The following GRM7 variants were observed in gnomAD, a reference collection of about 807,000 sequenced individuals.
GRM7 encodes glutamate metabotropic receptor 7, also known as metabotropic glutamate receptor 7.
A neutral mutation model predicts 84.5 loss-of-function variants in GRM7; 35 were observed. That is an observed-to-expected ratio of 0.41 (90% CI 0.32 to 0.55). The LOEUF (loss-of-function observed/expected upper bound fraction) is 0.55, where lower values mean the gene tolerates loss of function less well. Among genes scored for constraint, GRM7 ranks in the 20% least tolerant of loss-of-function variants. The pLI is 0.19. For synonymous variants in GRM7, 487 were observed against 455.1 expected, an observed-to-expected ratio of 1.07 and a Z score of -0.89; for missense variants, 1,003 against 1,194.6, an observed-to-expected ratio of 0.84 and a Z score of 2.36.
chr3:7,397,408 G>A (rs1575274727), intron 4 of GRM7, among the ~76,000 whole-genome samples: 3 of 152,126 alleles, frequency 2.0e-5, no homozygotes, highest in Admixed American at 6.6e-5. Context: ...GGTGAAAAGG[G>A]TAGCGGGGAG....
chr3:7,683,572 G>T (rs1003063851), intron 9 of GRM7, among the ~76,000 whole-genome samples: 1 of 152,028 alleles, frequency 6.6e-6, no homozygotes, highest in Non-Finnish European at 1.5e-5. Flanking sequence ...ACTCTCAAAA[G>T]TCCCAAAAAA....
chr3:7,600,965 C>T (rs1696282473), intron 8 of GRM7, among the ~76,000 whole-genome samples: 1 of 151,710 alleles, frequency 6.6e-6, no homozygotes, highest in African/African-American at 2.4e-5. Context: ...TCCTCATTGC[C>T]ACTCTCTGTG....
intron 4 of GRM7, among the ~76,000 whole-genome samples, chr3:7,327,816 A>T (rs1448379319): frequency 6.6e-6 from 1 of 152,248 alleles, no homozygotes; most frequent in African/African-American, 2.4e-5. Context: ...GTATAATCAA[A>T]GCTGACCTTA....
intron 1 of GRM7, among the ~76,000 whole-genome samples, chr3:7,062,831 A>C (rs533317417): frequency 6.6e-6 from 1 of 151,784 alleles, no homozygotes; most frequent in Non-Finnish European, 1.5e-5. Flanking sequence ...TGAATTTTAC[A>C]AAGTATTTAT....
intron 4 of GRM7, among the ~76,000 whole-genome samples, chr3:7,384,124 G>C (rs533839681): frequency 2.6e-5 from 4 of 152,160 alleles, no homozygotes; most frequent in Non-Finnish European, 5.9e-5. Flanking sequence ...CACCTCCCGG[G>C]TTCAAGCGAT....
intron 4 of GRM7, among the ~76,000 whole-genome samples, chr3:7,386,419 C>A: frequency 6.6e-6 from 1 of 152,154 alleles, no homozygotes; most frequent in Admixed American, 6.5e-5. Flanking sequence ...ACCCTTGTCC[C>A]ATTTCCATCC....
At chr3:6,896,564 G>A (rs528930966) in intron 1 of GRM7, among the ~76,000 whole-genome samples, 1 of 152,260 alleles carries the variant, frequency 6.6e-6, no homozygotes, top group East Asian at 1.9e-4. Context: ...TGCATCATCA[G>A]TGTGGCCTGA....
intron 8 of GRM7, among the ~76,000 whole-genome samples, chr3:7,651,483 G>C (rs556487171): frequency 6.6e-6 from 1 of 152,214 alleles, no homozygotes; most frequent in Admixed American, 6.5e-5. Flanking sequence ...TCTAGAACTC[G>C]GGCAAACTGG....
intron 4 of GRM7, among the ~76,000 whole-genome samples, chr3:7,335,332 T>C (rs1409761622): frequency 6.6e-6 from 1 of 152,010 alleles, no homozygotes; most frequent in Non-Finnish European, 1.5e-5. Flanking sequence ...ACAAAGAAAT[T>C]TTGATGGAAA....
At chr3:7,027,039 G>T (rs2124921319) in intron 1 of GRM7, among the ~76,000 whole-genome samples, 1 of 152,326 alleles carries the variant, frequency 6.6e-6, no homozygotes, top group African/African-American at 2.4e-5. Context: ...TGTTCTGCCT[G>T]TGTAGCTCAC....
chr3:7,377,227 T>C (rs532612182), intron 4 of GRM7, among the ~76,000 whole-genome samples: 2 of 151,534 alleles, frequency 1.3e-5, no homozygotes, highest in South Asian at 2.1e-4. Flanking sequence ...ATATTTTTTT[T>C]CCACCATAAA....
intron 1 of GRM7, among the ~76,000 whole-genome samples, chr3:7,094,466 G>T (rs1307507309): frequency 2.0e-5 from 3 of 152,168 alleles, no homozygotes; most frequent in Admixed American, 6.5e-5. Context: ...CACCCAGAAA[G>T]CTAAGAATAA....
At chr3:7,664,820 T>G (rs1699615329) in intron 8 of GRM7, among the ~76,000 whole-genome samples, 1 of 152,190 alleles carries the variant, frequency 6.6e-6, no homozygotes, top group Non-Finnish European at 1.5e-5. Context: ...TTCATTTTCC[T>G]TATGTGGCTT....
chr3:7,646,339 A>C (rs1698635575), intron 8 of GRM7, among the ~76,000 whole-genome samples: 1 of 152,074 alleles, frequency 6.6e-6, no homozygotes, highest in African/African-American at 2.4e-5. Context: ...TTACAGGTGC[A>C]TGCCACCACA....
At chr3:7,569,212 G>A (rs1013197659) in intron 7 of GRM7, among the ~76,000 whole-genome samples, 3 of 152,134 alleles carry the variant, frequency 2.0e-5, no homozygotes, top group Non-Finnish European at 2.9e-5. Flanking sequence ...TCTACACTCT[G>A]TATCTAACTA....
chr3:7,469,641 T>C (rs1294258317), intron 7 of GRM7, among the ~76,000 whole-genome samples: 2 of 152,140 alleles, frequency 1.3e-5, no homozygotes, highest in African/African-American at 2.4e-5. Flanking sequence ...TAGGATTGGG[T>C]CTCTAATCAC....
rs565238716 is a variant in GRM7, at chr3:7,427,535, A to G, written c.1174+12372A>G. Among the ~76,000 whole-genome samples, 6 of 152,270 alleles carry G rather than the reference A, an allele frequency of 3.9e-5. No individual in the cohort carries two copies. The East Asian group carries it at 7.7e-4, about 20-fold the overall frequency. On this transcript the variant is annotated intron_variant, in intron 5 of 9. Transcript: ENST00000357716. ...TGAATACAAATCGAAATAAATAAAA[A>G]TTTTTATATTTTTGGAAGTTTTACA...
intron 9 of GRM7, among the ~76,000 whole-genome samples, chr3:7,712,413 C>CTCT (rs1025120085): frequency 2.0e-5 from 3 of 151,896 alleles, no homozygotes; most frequent in African/African-American, 7.3e-5. Flanking sequence ...ATGACTTTCT[C>CTCT]TCTCTCTTCC....
intron 2 of GRM7, among the ~76,000 whole-genome samples, chr3:7,251,382 T>C (rs1440634539): frequency 6.6e-6 from 1 of 152,188 alleles, no homozygotes; most frequent in Non-Finnish European, 1.5e-5. Context: ...TATTTTAGGT[T>C]TCATAGTTTC....
Sources: allele counts gnomAD v4.1 joint callset (sites outside exome capture counted in the v4.1 genomes callset), GRCh38; gene constraint gnomAD v4.1.1; transcripts MANE v1.5; gene names NCBI Gene and HGNC (gene_info 2026-07-23, HGNC 2026-07-21).